The following SRGAP3 variants were observed in gnomAD, a reference collection of about 807,000 sequenced individuals.
SRGAP3 encodes SLIT-ROBO Rho GTPase activating protein 3, also known as SLIT-ROBO Rho GTPase-activating protein 3.
Under a neutral mutation model 121.1 loss-of-function variants are expected in SRGAP3, and 39 were observed. That is an observed-to-expected ratio of 0.32 (90% CI 0.25 to 0.42). The LOEUF (loss-of-function observed/expected upper bound fraction) is 0.42, where lower values mean the gene tolerates loss of function less well. Ranked by LOEUF, SRGAP3 falls within the 10% of genes least tolerant of loss-of-function variation. The pLI, the probability that SRGAP3 is intolerant of heterozygous loss-of-function variation, is 1.00. For synonymous variants in SRGAP3, 601 were observed against 570.0 expected (o/e 1.05, Z -0.77); for missense variants, 1,213 against 1,470.6 (o/e 0.82, Z 2.86).
intron 1 of SRGAP3, among the ~76,000 whole-genome samples, chr3:9,163,408 C>T (rs748435257): frequency 6.6e-5 from 10 of 152,286 alleles, no homozygotes; most frequent in Non-Finnish European, 8.8e-5. Context: ...GCAGACGGTG[C>T]GGCTCCCTTC....
At chr3:9,089,729 T>A (rs1017499055) in intron 3 of SRGAP3, among the ~76,000 whole-genome samples, 1 of 152,166 alleles carries the variant, frequency 6.6e-6, no homozygotes, top group Non-Finnish European at 1.5e-5. Flanking sequence ...GAAGATGAGA[T>A]GTTGGTGGAA....
rs1314074580 is a variant in SRGAP3, at chr3:9,053,224, C to T, written c.1126G>A (p.Val376Ile). ...LATLKIENEE[V>I]RKTLDATMQT... is the part of the protein sequence containing the mutation. ...ATGGTGGCATCCAGGGTTTTCCTAA[C>T]CTGGGGAAACACAGCAGATTGACAA... Residue 376 changes from valine (V) to isoleucine (I), a missense_variant and splice_region_variant, in exon 9 of 22, where the codon GTT becomes ATT. By Grantham distance (29) the Val-to-Ile change is conservative. Around this residue, in one of 2 missense-constraint regions of SRGAP3, gnomAD observed 793 missense variants for 1,032.9 expected, o/e 0.77. Coordinates refer to ENST00000383836, the MANE Select transcript of SRGAP3 (RefSeq NM_014850.4). The T allele has an allele frequency of 1.2e-6, 2 of 1,613,422 alleles. No individual in the cohort carries two copies. Among genetic ancestry groups the T allele is most frequent in the Non-Finnish European group, 1.7e-6 (2 of 1,179,772 alleles).
chr3:9,160,201 T>C (rs1323227734), intron 1 of SRGAP3, among the ~76,000 whole-genome samples: 1 of 152,252 alleles, frequency 6.6e-6, no homozygotes, highest in Non-Finnish European at 1.5e-5. Context: ...GGTGGTTTTA[T>C]AATACTACCA....
At chr3:9,217,594 GACACACACATAC>G (rs1018632589) in intron 1 of SRGAP3, 14 of 152,242 alleles carry the variant, frequency 9.2e-5, no homozygotes, top group African/African-American at 2.9e-4. Context: ...GATAATTTCT[GACACACACATAC>G]ACACACACCA....
At chr3:9,208,151 T>A (rs1053702447) in intron 1 of SRGAP3, among the ~76,000 whole-genome samples, 1 of 152,102 alleles carries the variant, frequency 6.6e-6, no homozygotes, top group African/African-American at 2.4e-5. Context: ...GAGGAAGCAG[T>A]GAATGAGCAA....
At chr3:9,036,713 G>A (rs1270969584) in intron 11 of SRGAP3, 1 of 152,196 alleles carries the variant, frequency 6.6e-6, no homozygotes, top group Non-Finnish European at 1.5e-5. Flanking sequence ...CTAGGAATTA[G>A]GAGGAAGTGA....
At chr3:9,286,496 A>AT (rs1000343421) in intron 3 of SRGAP3, among the ~76,000 whole-genome samples, 59 of 151,324 alleles carry the variant, frequency 3.9e-4, no homozygotes, top group African/African-American at 1.3e-3. Context: ...CCCCATCTCT[A>AT]TTTTTTTTTA....
rs1941553488 is a variant in SRGAP3, at chr3:8,983,984, C to T, written c.*1535G>A. ...AAGTAACAGCGGCCCACAGGGCACA[C>T]AGATTTGCCCGTGTGCCATTATCCA... On this transcript the variant is annotated 3_prime_UTR_variant, in exon 22 of 22. Transcript: ENST00000383836. 1 of 230,616 alleles carries T rather than the reference C, an allele frequency of 4.3e-6. No homozygotes were observed. Among genetic ancestry groups the T allele is most frequent in the Non-Finnish European group, 8.6e-6 (1 of 116,506 alleles). The allele number at this position is 230,616 out of a possible 1,614,324, so 14.3% of individuals were successfully genotyped here.
intron 6 of SRGAP3, chr3:9,059,096 G>T (rs537728345): frequency 6.5e-6 from 1 of 154,058 alleles, no homozygotes; most frequent in South Asian, 2.0e-4. Context: ...CTTCCTCCAG[G>T]AAAGCTTCCT....
chr3:9,283,436 A>T (rs1954715772), intron 3 of SRGAP3, among the ~76,000 whole-genome samples: 1 of 152,222 alleles, frequency 6.6e-6, no homozygotes, highest in Non-Finnish European at 1.5e-5. Context: ...TCTTCCAAAC[A>T]CTGTCACATT....
At chr3:9,103,033 G>A (rs1020574465) in intron 3 of SRGAP3, among the ~76,000 whole-genome samples, 4 of 152,026 alleles carry the variant, frequency 2.6e-5, no homozygotes, top group African/African-American at 4.8e-5. Context: ...TCTTTGCACC[G>A]TATTTACCTT....
chr3:9,018,253 C>T (rs13099102), intron 14 of SRGAP3, among the ~76,000 whole-genome samples: 28,763 of 152,126 alleles, frequency 0.19, 3,098 homozygotes, highest in Non-Finnish European at 0.24. Context: ...TCCATTCATG[C>T]ATTGGTGGCC....
chr3:9,127,242 C>A lies in SRGAP3; in HGVS notation c.68-2325G>T, dbSNP rs553587631. On this transcript the variant is annotated intron_variant, in intron 1 of 21. Transcript: ENST00000383836. Reference sequence around the variant, plus strand: ...TTCCCAGCTACTCAGGAGGCTGAGGCAGAAGTATTGCTTGAGCCCAGGAGG... The same window carrying A: ...TTCCCAGCTACTCAGGAGGCTGAGGAAGAAGTATTGCTTGAGCCCAGGAGG... Among the ~76,000 whole-genome samples the A allele has an allele frequency of 2.2e-3, 331 of 152,160 alleles. 3 individuals carry two copies. Among genetic ancestry groups the A allele is most frequent in the Non-Finnish European group, 3.0e-3 (206 of 67,996 alleles).
chr3:9,067,639 C>A (rs1487864905), intron 4 of SRGAP3, among the ~76,000 whole-genome samples: 1 of 152,086 alleles, frequency 6.6e-6, no homozygotes, highest in African/African-American at 2.4e-5. Context: ...GACACTGGGG[C>A]CTGTCAGGGG....
rs61747289 is a variant in SRGAP3, at chr3:9,058,305, A to G, written c.969T>C (p.Asn323=). The part of the protein sequence containing the change: ...SDKHTVMDMC[N]QVFCPPLKFE... ...ACTTGAGTGGAGGGCAGAAGACTTG[A>G]TTGCACATGTCCATGACTGTGTGCT... is the stretch of plus-strand genomic sequence containing the variant. The change falls in exon 7 of 22, where the codon AAT becomes AAC. Residue 323 remains asparagine (N), a synonymous_variant. Transcript: ENST00000383836. 0.045 allele frequency: 71,886 copies of G among 1,614,200 alleles called. 1,831 individuals carry two copies. The highest frequency in any genetic ancestry group is 0.051 in the Non-Finnish European group (60,267 of 1,180,018).
intron 2 of SRGAP3, among the ~76,000 whole-genome samples, chr3:9,329,208 GA>G (rs1366815867): frequency 6.6e-6 from 1 of 152,136 alleles, no homozygotes; most frequent in Non-Finnish European, 1.5e-5. Flanking sequence ...TTACAGAGGA[GA>G]AAAACAGTGA....
chr3:9,341,200 G>A (rs1013856015), intron 1 of SRGAP3, among the ~76,000 whole-genome samples: 2 of 152,112 alleles, frequency 1.3e-5, no homozygotes, highest in African/African-American at 2.4e-5. Flanking sequence ...TTAGGGCTTC[G>A]GCATATTAAT....
At chr3:9,002,921 A>G (rs1942849045) in intron 18 of SRGAP3, among the ~76,000 whole-genome samples, 1 of 152,224 alleles carries the variant, frequency 6.6e-6, no homozygotes, top group Non-Finnish European at 1.5e-5. Context: ...ACTTATAACA[A>G]GAGATTGAAT....
At chr3:9,153,607 T>C (rs192281825) in intron 1 of SRGAP3, among the ~76,000 whole-genome samples, 26 of 152,330 alleles carry the variant, frequency 1.7e-4, no homozygotes, top group Non-Finnish European at 3.7e-4. Flanking sequence ...GGGATGACTT[T>C]TTAATTTAAT....
Sources: gnomAD v4.1 joint callset for allele counts (sites outside exome capture counted in the v4.1 genomes callset) on GRCh38, gnomAD v4.1.1 for gene constraint, gnomAD v4.1.1 regional missense constraint, MANE v1.5 for transcripts, NCBI Gene and HGNC (gene_info 2026-07-23, HGNC 2026-07-21) for gene names.